GALNT13: variants seen among roughly 807,000 people sequenced by gnomAD.
The protein encoded by GALNT13 is polypeptide N-acetylgalactosaminyltransferase 13, also known as UDP-GalNAc:polypeptide N-acetylgalactosaminyltransferase 13.
A neutral mutation model predicts 64.2 loss-of-function variants in GALNT13; 28 were observed. That is an observed-to-expected ratio of 0.44 (90% CI 0.32 to 0.60). The LOEUF is 0.60. Ranked by LOEUF, GALNT13 falls within the 20% of genes least tolerant of loss-of-function variation. The pLI is 0.05. For synonymous variants in GALNT13, 214 were observed against 224.6 expected, an observed-to-expected ratio of 0.95 and a Z score of 0.42; for missense variants, 577 against 669.8, an observed-to-expected ratio of 0.86 and a Z score of 1.53.
chr2:154,427,764 CCCT>C (rs1423262537), intron 11 of GALNT13, among the ~76,000 whole-genome samples: 2 of 152,128 alleles, frequency 1.3e-5, no homozygotes, highest in Non-Finnish European at 2.9e-5. Context: ...CTCCTCCTGA[CCCT>C]CCTCTGAACA....
the GALNT13 span, among the ~76,000 whole-genome samples, chr2:153,188,176 G>A: frequency 1.3e-5 from 2 of 151,808 alleles, no homozygotes; most frequent in African/African-American, 4.8e-5. Flanking sequence ...ACTATAACAT[G>A]TTATTAATAA....
intron 2 of GALNT13, among the ~76,000 whole-genome samples, chr2:153,906,367 G>C (rs887698326): frequency 6.7e-6 from 1 of 149,472 alleles, no homozygotes; most frequent in Admixed American, 6.7e-5. Context: ...TTAGCATTAG[G>C]TATATCTCCT....
chr2:153,515,142 C>T, the GALNT13 span, among the ~76,000 whole-genome samples: 1 of 152,146 alleles, frequency 6.6e-6, no homozygotes, highest in Non-Finnish European at 1.5e-5. Flanking sequence ...GGTTCACTGT[C>T]TTTTCTCCAC....
the GALNT13 span, among the ~76,000 whole-genome samples, chr2:153,082,736 A>G: frequency 6.9e-6 from 1 of 144,552 alleles, no homozygotes; most frequent in Admixed American, 6.9e-5. Flanking sequence ...GCTGGTTTAT[A>G]TATATATTAT....
chr2:154,335,563 A>G (rs1695396099), intron 9 of GALNT13, among the ~76,000 whole-genome samples: 3 of 151,666 alleles, frequency 2.0e-5, no homozygotes, highest in Non-Finnish European at 4.4e-5. Flanking sequence ...GATATTAAAT[A>G]CAATAGACTC....
the GALNT13 span, among the ~76,000 whole-genome samples, chr2:153,743,114 G>A: frequency 2.7e-5 from 4 of 150,532 alleles, no homozygotes; most frequent in Non-Finnish European, 4.4e-5. Context: ...GAGGGGTAGT[G>A]TGGTGGGTTT....
At chr2:153,471,556 T>C in the GALNT13 span, among the ~76,000 whole-genome samples, 2 of 152,210 alleles carry the variant, frequency 1.3e-5, no homozygotes, top group East Asian at 3.9e-4. Context: ...AGCCACCATT[T>C]TGAGAATTTA....
At chr2:154,357,805 G>A (rs1044489147) in intron 9 of GALNT13, among the ~76,000 whole-genome samples, 1 of 152,026 alleles carries the variant, frequency 6.6e-6, no homozygotes, top group African/African-American at 2.4e-5. Flanking sequence ...GTCTTTCAGT[G>A]TATGCTTCAT....
At chr2:154,126,559 C>T (rs1343542839) in intron 3 of GALNT13, among the ~76,000 whole-genome samples, 5 of 150,148 alleles carry the variant, frequency 3.3e-5, no homozygotes, top group East Asian at 4.0e-4. Flanking sequence ...GGCGTGAACC[C>T]GGGAGGCGGA....
At chr2:154,131,586 C>T (rs1682621177) in intron 3 of GALNT13, among the ~76,000 whole-genome samples, 1 of 152,086 alleles carries the variant, frequency 6.6e-6, no homozygotes, top group Non-Finnish European at 1.5e-5. Context: ...CACTTTGTAC[C>T]TGTCACTATA....
At chr2:154,241,667 A>G (rs1037628167) in intron 4 of GALNT13, among the ~76,000 whole-genome samples, 1 of 152,218 alleles carries the variant, frequency 6.6e-6, no homozygotes, top group Non-Finnish European at 1.5e-5. Flanking sequence ...TTCTTGAGTT[A>G]TACATTTTTA....
At chr2:153,074,546 G>A in the GALNT13 span, among the ~76,000 whole-genome samples, 121 of 152,166 alleles carry the variant, frequency 8.0e-4, no homozygotes, top group Non-Finnish European at 1.3e-3. Context: ...TGTACAGCAT[G>A]GTACTTTACT....
the GALNT13 span, among the ~76,000 whole-genome samples, chr2:153,257,224 G>A: frequency 7.9e-5 from 12 of 152,192 alleles, no homozygotes; most frequent in South Asian, 2.1e-4. Context: ...TCCAGGTGCC[G>A]TCTGTCACCC....
chr2:153,440,891 G>C, the GALNT13 span, among the ~76,000 whole-genome samples: 1 of 152,012 alleles, frequency 6.6e-6, no homozygotes, highest in African/African-American at 2.4e-5. Flanking sequence ...TTCCGATTCT[G>C]TAGGTTACCT....
chr2:153,445,505 G>T, the GALNT13 span, among the ~76,000 whole-genome samples: 2,306 of 152,134 alleles, frequency 0.015, 63 homozygotes, highest in African/African-American at 0.052. Context: ...AGCCTCCAGG[G>T]TAGCTGGGAC....
At chr2:153,583,464 A>AAACT in the GALNT13 span, among the ~76,000 whole-genome samples, 4 of 152,194 alleles carry the variant, frequency 2.6e-5, no homozygotes, top group Non-Finnish European at 5.9e-5. Flanking sequence ...AAGCAAAAAG[A>AAACT]AACTTTAGAA....
the GALNT13 span, among the ~76,000 whole-genome samples, chr2:153,196,201 C>CT: frequency 1.3e-5 from 2 of 152,186 alleles, no homozygotes; most frequent in African/African-American, 4.8e-5. Context: ...GGGGACCCAC[C>CT]TGTTTCCGCC....
intron 9 of GALNT13, among the ~76,000 whole-genome samples, chr2:154,370,133 G>A (rs1318914365): frequency 6.6e-6 from 1 of 151,992 alleles, no homozygotes; most frequent in African/African-American, 2.4e-5. Flanking sequence ...TTCAACATAT[G>A]AAGTTTAGGT....
chr2:154,104,421 T>C (rs1466849362), intron 3 of GALNT13, among the ~76,000 whole-genome samples: 1 of 152,176 alleles, frequency 6.6e-6, no homozygotes, highest in Non-Finnish European at 1.5e-5. Context: ...GTGCAGCTAT[T>C]GTGAATACCA....
Sources: gnomAD v4.1 joint callset for allele counts (sites outside exome capture counted in the v4.1 genomes callset) on GRCh38, gnomAD v4.1.1 for gene constraint, MANE v1.5 for transcripts, NCBI Gene and HGNC (gene_info 2026-07-23, HGNC 2026-07-21) for gene names.